TAF1: variants seen among roughly 807,000 people sequenced by gnomAD.
The protein encoded by TAF1 is TATA-box binding protein associated factor 1.
Under a neutral mutation model 138.5 loss-of-function variants are expected in TAF1, and 2 were observed. The observed-to-expected ratio is 0.01, with a 90% CI of 0.01 to 0.05. TAF1 has a LOEUF of 0.05. Among genes scored for constraint, TAF1 ranks in the 10% least tolerant of loss-of-function variants. The probability of loss-of-function intolerance (pLI) is 1.00; values close to 1 mark genes in which losing one functional copy is unlikely to be tolerated. For missense variants in TAF1, 709 were observed against 1,478.0 expected, an observed-to-expected ratio of 0.48 and a Z score of 8.53; for synonymous variants, 437 against 503.2, an observed-to-expected ratio of 0.87 and a Z score of 1.76.
At chrX:71,418,040 C>T (rs1569324505) in intron 28 of TAF1, among the ~76,000 whole-genome samples, 2 of 111,920 alleles carry the variant, frequency 1.8e-5, no homozygotes. Context: ...TATACTCTGT[C>T]TTGCAATAAT....
chrX:71,392,441 C>G (rs1389633795), intron 18 of TAF1, 128 bp from the exon 19 acceptor site: 1 of 872,476 alleles, frequency 1.1e-6, no homozygotes, highest in Non-Finnish European at 1.5e-6. Flanking sequence ...AGAGCATGAA[C>G]CCACAGAAAT....
At chrX:71,474,154 A>AG (rs2038939415) in intron 13 of TAF1, among the ~76,000 whole-genome samples, 2 of 107,042 alleles carry the variant, frequency 1.9e-5, no homozygotes, top group Non-Finnish European at 3.8e-5. Flanking sequence ...AAAAGAAAGA[A>AG]AGAGAGAGAG....
intron 36 of TAF1, among the ~76,000 whole-genome samples, chrX:71,459,976 T>C (rs1193500320): frequency 1.8e-5 from 2 of 112,324 alleles, no homozygotes; most frequent in African/African-American, 3.2e-5. Context: ...CAGTGGCTCA[T>C]GCCTGTAATC....
At chrX:71,404,413 C>T (rs2035344017) in intron 25 of TAF1, among the ~76,000 whole-genome samples, 1 of 110,993 alleles carries the variant, frequency 9.0e-6, no homozygotes, top group Non-Finnish European at 1.9e-5. Flanking sequence ...GTGTGGCACA[C>T]TGTAACCTCC....
At chrX:71,525,662 T>C (rs2039986890) in intron 13 of TAF1, among the ~76,000 whole-genome samples, 1 of 110,454 alleles carries the variant, frequency 9.1e-6, no homozygotes, top group South Asian at 3.8e-4. Context: ...AAAACTATTT[T>C]TTTTTTTTGA....
chrX:71,436,438 A>G (rs902599403), intron 32 of TAF1, among the ~76,000 whole-genome samples: 12 of 108,580 alleles, frequency 1.1e-4, no homozygotes, highest in Admixed American at 9.0e-4. Flanking sequence ...GATGGTCTCT[A>G]TCTCCTGACC....
rs201751692 is a variant in TAF1 at position 71,494,163 on chromosome X, C to T, written c.1366+33360C>T. Among the ~76,000 whole-genome samples the T allele has an allele frequency of 8.1e-5, 9 of 111,598 alleles. No homozygotes were observed. The East Asian group carries it at 2.2e-3, about 28-fold the overall frequency. Reference sequence around the variant, plus strand: ...TTGGGCCCAGCGTCGTGGCTCATGCCTGCAATCCCAGCACTTTGGGAGGCC... The same window carrying T: ...TTGGGCCCAGCGTCGTGGCTCATGCTTGCAATCCCAGCACTTTGGGAGGCC... On this transcript the variant is annotated intron_variant and NMD_transcript_variant, in intron 13 of 14. Transcript: ENST00000373775.
At chrX:71,508,737 AGTGTGTGT>A (rs112821544) in intron 13 of TAF1, among the ~76,000 whole-genome samples, 1 of 100,784 alleles carries the variant, frequency 9.9e-6, no homozygotes, top group Non-Finnish European at 2.0e-5. Flanking sequence ...AGACAGAGTG[AGTGTGTGT>A]GTGTGTGTGT....
intron 13 of TAF1, among the ~76,000 whole-genome samples, chrX:71,483,612 A>C (rs1473643170): frequency 9.3e-6 from 1 of 107,190 alleles, no homozygotes; most frequent in African/African-American, 3.4e-5. Flanking sequence ...CAAATAAATA[A>C]ATACATAAAT....
At chrX:71,488,136 A>G (rs1276982374) in intron 13 of TAF1, among the ~76,000 whole-genome samples, 4 of 110,611 alleles carry the variant, frequency 3.6e-5, no homozygotes, top group East Asian at 2.8e-4. Flanking sequence ...CCCACCCACA[A>G]TCAGGCTGGT....
intron 29 of TAF1, 99 bp from the exon 30 acceptor site, chrX:71,423,018 A>G: frequency 6.4e-6 from 7 of 1,089,313 alleles, no homozygotes; most frequent in Non-Finnish European, 8.7e-6. Flanking sequence ...CTGGGATTAC[A>G]GGCGTGAGCC....
At chrX:71,390,856 G>A (rs1379439112) in intron 18 of TAF1, among the ~76,000 whole-genome samples, 3 of 111,048 alleles carry the variant, frequency 2.7e-5, no homozygotes, top group Non-Finnish European at 3.8e-5. Context: ...TGAGCCGGGC[G>A]TGGTGGCGTG....
At position 71,474,126 on chromosome X, in the gene TAF1, CAA is replaced by C. The variant is rs748178879; in HGVS notation, c.1366+13324_1366+13325del. On this transcript the variant is annotated intron_variant and NMD_transcript_variant, in intron 13 of 14. Transcript: ENST00000373775. ...CACCACTGCACTCCAGTCTGGGTGA[CAA>C]GAGCAAAACTCTGAAAAAAGAAAGA... Among the ~76,000 whole-genome samples, 545 of 109,194 alleles carry C rather than the reference CAA, an allele frequency of 5.0e-3. 2 individuals are homozygous for C. Among genetic ancestry groups the C allele is most frequent in the African/African-American group, 0.016 (491 of 29,826 alleles). The allele number at this position is 109,194 out of a possible 115,157, so 94.8% of individuals were successfully genotyped here. A position where few individuals can be genotyped will look rare whatever the true frequency, so the allele number is the denominator to read the frequency against.
At chrX:71,497,739 C>T (rs2039422060) in intron 13 of TAF1, among the ~76,000 whole-genome samples, 1 of 111,434 alleles carries the variant, frequency 9.0e-6, no homozygotes, top group Non-Finnish European at 1.9e-5. Flanking sequence ...GTTTCTGCCT[C>T]TGGTTCCCAT....
intron 13 of TAF1, among the ~76,000 whole-genome samples, chrX:71,494,304 T>C (rs1346531766): frequency 5.5e-5 from 6 of 109,827 alleles, no homozygotes; most frequent in Admixed American, 4.9e-4. Flanking sequence ...ACACCTGTAG[T>C]CCTAGCTACT....
At chrX:71,402,541 G>A (rs1053987063) in intron 25 of TAF1, among the ~76,000 whole-genome samples, 2 of 112,177 alleles carry the variant, frequency 1.8e-5, no homozygotes, top group Non-Finnish European at 3.8e-5. Flanking sequence ...TCCCGGCCTC[G>A]TAGTGTTCTA....
At chrX:71,377,951 T>A in intron 6 of TAF1, 130 bp downstream of exon 6, 1 of 834,179 alleles carries the variant, frequency 1.2e-6, no homozygotes, top group Non-Finnish European at 1.6e-6. Context: ...TTTCAATGAG[T>A]AATCATGGGT....
chrX:71,388,914 T>TG (rs763447002), intron 17 of TAF1, 46 bp downstream of exon 17: 8 of 886,649 alleles, frequency 9.0e-6, no homozygotes, highest in Non-Finnish European at 1.2e-5. Context: ...TGGTTTTTTG[T>TG]TTTTTTTTTT....
chrX:71,383,434 C>T (rs1040391931), intron 12 of TAF1, among the ~76,000 whole-genome samples: 1 of 112,220 alleles, frequency 8.9e-6, no homozygotes, highest in Non-Finnish European at 1.9e-5. Flanking sequence ...GAAATATAAA[C>T]AGCGACGTGG....
Sources: allele counts gnomAD v4.1 joint callset (sites outside exome capture counted in the v4.1 genomes callset), GRCh38; gene constraint gnomAD v4.1.1; transcripts MANE v1.5; gene names NCBI Gene and HGNC (gene_info 2026-07-23, HGNC 2026-07-21).